Variants in SLC36A1 observed in about 807,000 individuals in gnomAD.
The protein encoded by SLC36A1 is solute carrier family 36 member 1, also known as proton-coupled amino acid transporter 1.
In SLC36A1, 30 loss-of-function variants were observed where a neutral mutation model predicts 47.5. That is an observed-to-expected ratio of 0.63 (90% CI 0.47 to 0.86). SLC36A1 has a LOEUF of 0.86. Ranked by LOEUF, SLC36A1 falls within the 40% of genes least tolerant of loss-of-function variation. The pLI is 0.00. For synonymous variants in SLC36A1, 255 were observed against 249.7 expected (o/e 1.02, Z -0.20); for missense variants, 517 against 606.0 (o/e 0.85, Z 1.54).
chr5:151,484,434 G>C (rs138983824), intron 10 of SLC36A1, among the ~76,000 whole-genome samples: 1 of 152,196 alleles, frequency 6.6e-6, no homozygotes, highest in Non-Finnish European at 1.5e-5. Flanking sequence ...GAGCCCCATC[G>C]CTTTGCTGTG....
At chr5:151,466,243 A>T (rs7730542) in intron 5 of SLC36A1, among the ~76,000 whole-genome samples, 1 of 151,916 alleles carries the variant, frequency 6.6e-6, no homozygotes, top group South Asian at 2.1e-4. Context: ...ATGCGTGCTC[A>T]TAGTAAAAAC....
the SLC36A1 span, among the ~76,000 whole-genome samples, chr5:151,535,672 G>T: frequency 6.6e-6 from 1 of 152,190 alleles, no homozygotes; most frequent in East Asian, 1.9e-4. Context: ...GGAGTCGTGG[G>T]AGCCCCAACT....
At chr5:151,382,021 G>A in the SLC36A1 span, 1 of 637,992 alleles carries the variant, frequency 1.6e-6, no homozygotes, top group East Asian at 2.8e-5. Flanking sequence ...CTTATGCCCA[G>A]CCCGGGAGCT....
intron 7 of SLC36A1, 132 bp from the exon 8 acceptor site, chr5:151,473,541 G>T (rs1757616671): frequency 1.5e-6 from 1 of 649,938 alleles, no homozygotes; most frequent in Non-Finnish European, 2.7e-6. Context: ...CATCTGTCAG[G>T]TATTAGACTT....
the SLC36A1 span, among the ~76,000 whole-genome samples, chr5:151,406,158 G>A: frequency 3.3e-5 from 5 of 152,214 alleles, no homozygotes; most frequent in Non-Finnish European, 7.3e-5. Context: ...GGCCCTGGCA[G>A]TTTGCACAGC....
chr5:151,538,557 G>A, the SLC36A1 span, among the ~76,000 whole-genome samples: 1 of 152,226 alleles, frequency 6.6e-6, no homozygotes, highest in Admixed American at 6.5e-5. Flanking sequence ...AGCTCCCTGA[G>A]AATTCAATTT....
At chr5:151,445,520 A>G (rs1752865753), upstream of SLC36A1, among the ~76,000 whole-genome samples, 1 of 152,202 alleles carries the variant, frequency 6.6e-6, no homozygotes, top group African/African-American at 2.4e-5. Flanking sequence ...TATTCCCTCT[A>G]GCTCCATTTT....
At chr5:151,355,348 A>C in the SLC36A1 span, among the ~76,000 whole-genome samples, 1 of 152,180 alleles carries the variant, frequency 6.6e-6, no homozygotes, top group South Asian at 2.1e-4. Context: ...AAAGAAAAAA[A>C]AATACCTTTA....
At chr5:151,454,759 C>T (rs979547539) in intron 1 of SLC36A1, among the ~76,000 whole-genome samples, 3 of 140,102 alleles carry the variant, frequency 2.1e-5, no homozygotes, top group Non-Finnish European at 3.0e-5. Context: ...GTCGCCCAGG[C>T]TGGAGTGCAG....
chr5:151,535,148 G>C, the SLC36A1 span, among the ~76,000 whole-genome samples: 2 of 151,844 alleles, frequency 1.3e-5, no homozygotes, highest in Admixed American at 6.6e-5. Flanking sequence ...TAGCCACACA[G>C]TAAAACACCA....
Position 151,464,496 on chromosome 5 carries a change from T to C in SLC36A1, c.235-18T>C, listed in dbSNP as rs769995159. 1.2e-6 allele frequency: 2 copies of C among 1,608,382 alleles called. No individual in the cohort carries two copies. The highest frequency in any genetic ancestry group is 1.7e-4 in the Middle Eastern group (1 of 6,056). On this transcript the variant is annotated intron_variant, in intron 3 of 10. Coordinates refer to ENST00000243389, the MANE Select transcript of SLC36A1 (RefSeq NM_078483.4). ...CCTACTTTTCTCTCTCTCTTTTGCC[T>C]GCAATATCTGTCCCCAGATGGGTCC...
upstream of SLC36A1, among the ~76,000 whole-genome samples, chr5:151,444,092 G>C (rs528348869): frequency 5.3e-4 from 81 of 152,212 alleles, no homozygotes; most frequent in Non-Finnish European, 9.1e-4. Context: ...ATTTTGAATC[G>C]GGAAGTGTGA....
At chr5:151,538,041 A>C in the SLC36A1 span, 2 of 1,106,448 alleles carry the variant, frequency 1.8e-6, 1 homozygote, top group East Asian at 4.8e-5. Context: ...CAGAAGCAGA[A>C]AGAGAGACAC....
At chr5:151,543,083 C>A in the SLC36A1 span, 2 of 1,614,148 alleles carry the variant, frequency 1.2e-6, no homozygotes, top group South Asian at 1.1e-5. Context: ...TTTTTAGGAA[C>A]CACCTGAAGT....
At chr5:151,503,698 T>TAA in the SLC36A1 span, among the ~76,000 whole-genome samples, 2 of 152,084 alleles carry the variant, frequency 1.3e-5, no homozygotes, top group South Asian at 2.1e-4. Flanking sequence ...TTCTGATAGT[T>TAA]AAGTCCCTTC....
At chr5:151,500,255 C>G in the SLC36A1 span, among the ~76,000 whole-genome samples, 10 of 152,236 alleles carry the variant, frequency 6.6e-5, no homozygotes, top group African/African-American at 2.2e-4. Context: ...CTCATGAACT[C>G]TGTGACTTAC....
chr5:151,380,361 T>TC, the SLC36A1 span: 3 of 322,664 alleles, frequency 9.3e-6, no homozygotes, highest in East Asian at 2.1e-4. Flanking sequence ...CCGGCCACAG[T>TC]TGTGGGGCGA....
chr5:151,549,550 G>A, the SLC36A1 span: 3 of 1,562,756 alleles, frequency 1.9e-6, no homozygotes, highest in Non-Finnish European at 2.6e-6. Flanking sequence ...AAATGGAATA[G>A]GAGGAGGCAG....
chr5:151,460,944 G>C (rs1007397597), intron 2 of SLC36A1, among the ~76,000 whole-genome samples: 2 of 150,920 alleles, frequency 1.3e-5, no homozygotes, highest in African/African-American at 4.9e-5. Flanking sequence ...CTAGTTAGGG[G>C]GTGCAAATAG....
Sources: gnomAD v4.1 joint callset for allele counts (sites outside exome capture counted in the v4.1 genomes callset) on GRCh38, gnomAD v4.1.1 for gene constraint, MANE v1.5 for transcripts, NCBI Gene and HGNC (gene_info 2026-07-23, HGNC 2026-07-21) for gene names.